Variants in DAB1 observed in about 807,000 individuals in gnomAD.
DAB1 encodes DAB adaptor protein 1.
In DAB1, 15 loss-of-function variants were observed where a neutral mutation model predicts 64.6. That is an observed-to-expected ratio of 0.23 (90% CI 0.16 to 0.36). The LOEUF is 0.36. Ranked by LOEUF, DAB1 falls within the 10% of genes least tolerant of loss-of-function variation. DAB1 has a pLI of 1.00. For synonymous variants in DAB1, 235 were observed against 251.9 expected (o/e 0.93, Z 0.64); for missense variants, 596 against 706.7 (o/e 0.84, Z 1.78).
intron 1 of DAB1, chr1:57,866,954 A>C (rs1654328865): frequency 6.6e-6 from 1 of 152,180 alleles, no homozygotes; most frequent in Non-Finnish European, 1.5e-5. Flanking sequence ...GGACATGGTC[A>C]CTACCTTTTT....
intron 5 of DAB1, among the ~76,000 whole-genome samples, chr1:57,897,551 A>G (rs1644409601): frequency 6.6e-6 from 1 of 152,170 alleles, no homozygotes; most frequent in Admixed American, 6.5e-5. Flanking sequence ...TGGAGACCTC[A>G]TATATTTTAA....
At chr1:57,642,133 G>A (rs139477220) in intron 7 of DAB1, among the ~76,000 whole-genome samples, 1 of 152,062 alleles carries the variant, frequency 6.6e-6, no homozygotes, top group East Asian at 1.9e-4. Flanking sequence ...CTAGGTGCTA[G>A]AAATAAAGAT....
At chr1:58,336,226 T>C (rs567447722) in intron 4 of DAB1, among the ~76,000 whole-genome samples, 2 of 152,316 alleles carry the variant, frequency 1.3e-5, no homozygotes, top group South Asian at 2.1e-4. Flanking sequence ...ATCCAGGACA[T>C]ACCAATTCCC....
chr1:57,953,955 A>G (rs902005707), intron 5 of DAB1, among the ~76,000 whole-genome samples: 7 of 151,638 alleles, frequency 4.6e-5, no homozygotes, highest in Non-Finnish European at 1.5e-5. Context: ...TTCACCACCA[A>G]CTCCCTTTTT....
At chr1:58,216,369 T>C (rs905764722) in intron 4 of DAB1, among the ~76,000 whole-genome samples, 3 of 152,234 alleles carry the variant, frequency 2.0e-5, no homozygotes, top group Admixed American at 2.0e-4. Context: ...TCATCCTTTT[T>C]TATGGCTGCA....
chr1:57,592,240 G>A (rs1209103868), intron 7 of DAB1, among the ~76,000 whole-genome samples: 1 of 152,146 alleles, frequency 6.6e-6, no homozygotes, highest in Admixed American at 6.5e-5. Flanking sequence ...TATGTCTTCT[G>A]GGAAGCCATC....
intron 4 of DAB1, among the ~76,000 whole-genome samples, chr1:58,234,826 C>A (rs917971473): frequency 6.6e-6 from 1 of 152,122 alleles, no homozygotes; most frequent in Non-Finnish European, 1.5e-5. Context: ...GGAAGTGACA[C>A]CCAGAGCCTA....
intron 5 of DAB1, among the ~76,000 whole-genome samples, chr1:57,998,147 G>A (rs1210341743): frequency 6.6e-6 from 1 of 152,126 alleles, no homozygotes. Flanking sequence ...CAGAGACAAT[G>A]TAGTATAAAC....
intron 9 of DAB1, among the ~76,000 whole-genome samples, chr1:57,026,557 G>A (rs1646795687): frequency 6.6e-6 from 1 of 152,162 alleles, no homozygotes; most frequent in African/African-American, 2.4e-5. Flanking sequence ...AAGTCTCAGG[G>A]ATGTGGCATC....
intron 1 of DAB1, among the ~76,000 whole-genome samples, chr1:57,855,433 A>T (rs906526747): frequency 4.6e-5 from 7 of 152,174 alleles, no homozygotes; most frequent in African/African-American, 1.7e-4. Flanking sequence ...ATTAATAAAC[A>T]ACTCTAATAA....
chr1:57,659,779 C>A (rs552961434), intron 6 of DAB1, among the ~76,000 whole-genome samples: 1 of 152,008 alleles, frequency 6.6e-6, no homozygotes, highest in Non-Finnish European at 1.5e-5. Context: ...GAGTTCAAGA[C>A]CAGCCTGACC....
chr1:58,393,120 C>CTTTTT (rs34546253), intron 3 of DAB1, among the ~76,000 whole-genome samples: 19 of 117,146 alleles, frequency 1.6e-4, no homozygotes, highest in African/African-American at 6.0e-4. Context: ...ACTTCCAAAT[C>CTTTTT]TTTTTTTTTT....
At chr1:58,261,719 T>C (rs1433191988) in intron 4 of DAB1, among the ~76,000 whole-genome samples, 1 of 147,012 alleles carries the variant, frequency 6.8e-6, no homozygotes, top group African/African-American at 2.4e-5. Context: ...TTTTTGTTTT[T>C]GTTTTTGTTT....
At chr1:57,813,350 C>A (rs1008507406) in intron 6 of DAB1, among the ~76,000 whole-genome samples, 9 of 152,302 alleles carry the variant, frequency 5.9e-5, no homozygotes, top group Admixed American at 5.2e-4. Flanking sequence ...GTGTCTTACT[C>A]CTCCTGAGCA....
chr1:57,508,318 GT>G (rs1387730491), intron 7 of DAB1, among the ~76,000 whole-genome samples: 1 of 152,140 alleles, frequency 6.6e-6, no homozygotes, highest in Non-Finnish European at 1.5e-5. Flanking sequence ...GTTGTTAACT[GT>G]TGAACTCGAA....
chr1:57,925,352 A>G (rs1377495541), intron 5 of DAB1, among the ~76,000 whole-genome samples: 1 of 152,232 alleles, frequency 6.6e-6, no homozygotes, highest in Non-Finnish European at 1.5e-5. Flanking sequence ...GGTCTCTAAG[A>G]TGATTAACAA....
chr1:57,113,884 C>T (rs901541171), intron 4 of DAB1, among the ~76,000 whole-genome samples: 5 of 152,170 alleles, frequency 3.3e-5, no homozygotes, highest in African/African-American at 1.2e-4. Context: ...CGTAAATACT[C>T]ATAAATACCA....
intron 2 of DAB1, among the ~76,000 whole-genome samples, chr1:58,523,291 C>G (rs190983913): frequency 5.5e-4 from 84 of 152,308 alleles, no homozygotes; most frequent in African/African-American, 1.8e-3. Context: ...CGCACAACAT[C>G]TGGATAGTTT....
At chr1:57,321,976 A>G (rs1165252727) in intron 1 of DAB1, among the ~76,000 whole-genome samples, 2 of 152,220 alleles carry the variant, frequency 1.3e-5, no homozygotes, top group Admixed American at 6.5e-5. Flanking sequence ...AGCCAGTTCT[A>G]TTATTGGATG....
Sources: allele counts gnomAD v4.1 joint callset (sites outside exome capture counted in the v4.1 genomes callset), GRCh38; gene constraint gnomAD v4.1.1; transcripts MANE v1.5; gene names NCBI Gene and HGNC (gene_info 2026-07-23, HGNC 2026-07-21).